Variants in IRAG1 observed in about 807,000 individuals in gnomAD.
The protein encoded by IRAG1 is inositol 1,4,5-triphosphate receptor associated 1.
A neutral mutation model predicts 106.2 loss-of-function variants in IRAG1; 62 were observed. The observed-to-expected ratio is 0.58, with a 90% CI of 0.48 to 0.72. IRAG1 has a LOEUF of 0.72. IRAG1 is among the 30% of genes least tolerant of loss of function. The pLI is 0.00. For synonymous variants in IRAG1, 462 were observed against 443.9 expected (o/e 1.04, Z -0.51); for missense variants, 1,064 against 1,140.7 (o/e 0.93, Z 0.97).
chr11:10,632,190 C>A, intron 3 of IRAG1, 129 bp from the exon 4 acceptor site: 2 of 563,428 alleles, frequency 3.5e-6, no homozygotes, highest in Non-Finnish European at 6.0e-6. Context: ...TTCTTTCTTT[C>A]TTTTTTTTTT....
intron 16 of IRAG1, chr11:10,593,879 G>A: frequency 1.7e-6 from 1 of 573,346 alleles, no homozygotes; most frequent in Non-Finnish European, 3.1e-6. Context: ...GTAACACCCT[G>A]GAGACTGTAT....
intron 20 of IRAG1, among the ~76,000 whole-genome samples, chr11:10,577,656 GAGAAGCGGAGAGCTCAAATTTTGA>G (rs1490505075): frequency 1.3e-5 from 2 of 152,202 alleles, no homozygotes; most frequent in Admixed American, 1.3e-4. Context: ...GCCATTGGCT[GAGAAGCGGAGAGCTCAAATTTTGA>G]GGTAGCAGAA....
chr11:10,603,081 G>A (rs773637626), intron 14 of IRAG1, 39 bp downstream of exon 14: 1 of 1,591,074 alleles, frequency 6.3e-7, no homozygotes, highest in South Asian at 1.1e-5. Flanking sequence ...TTACGTAGGT[G>A]GAACAGAGTT....
chr11:10,634,485 C>T (rs1856983178), intron 2 of IRAG1, among the ~76,000 whole-genome samples: 1 of 152,092 alleles, frequency 6.6e-6, no homozygotes, highest in Admixed American at 6.5e-5. Context: ...ACGTTAGATC[C>T]CCAGAACGTA....
At chr11:10,675,765 T>C (rs115985099) in intron 1 of IRAG1, among the ~76,000 whole-genome samples, 1,899 of 152,306 alleles carry the variant, frequency 0.012, 41 homozygotes, top group African/African-American at 0.043. Context: ...CCCTTCATCC[T>C]CTTATTCAGC....
chr11:10,648,967 G>A (rs745736144), intron 2 of IRAG1, among the ~76,000 whole-genome samples: 19 of 152,168 alleles, frequency 1.2e-4, no homozygotes, highest in Non-Finnish European at 2.2e-4. Flanking sequence ...GGACCCCGGG[G>A]AGCTGTAAAC....
intron 1 of IRAG1, among the ~76,000 whole-genome samples, chr11:10,671,893 T>A (rs1860261555): frequency 6.6e-6 from 1 of 152,038 alleles, no homozygotes; most frequent in Admixed American, 6.5e-5. Flanking sequence ...GAAGCAACAA[T>A]AATCAAAACA....
chr11:10,682,966 G>A (rs1331430455), intron 1 of IRAG1, among the ~76,000 whole-genome samples: 1 of 152,178 alleles, frequency 6.6e-6, no homozygotes, highest in East Asian at 1.9e-4. Flanking sequence ...TAGTCATACT[G>A]GGCCTGTGGC....
At chr11:10,576,824 C>T (rs1304314048) in intron 20 of IRAG1, among the ~76,000 whole-genome samples, 1 of 152,224 alleles carries the variant, frequency 6.6e-6, no homozygotes, top group Non-Finnish European at 1.5e-5. Context: ...CACCAGTCCA[C>T]AGCCTTGAAG....
chr11:10,586,870 T>C (rs903147891), intron 18 of IRAG1, among the ~76,000 whole-genome samples: 25 of 152,230 alleles, frequency 1.6e-4, no homozygotes, highest in African/African-American at 6.0e-4. Flanking sequence ...AGTAGGTGCC[T>C]TTAAGTGCCT....
chr11:10,580,393 A>C, intron 20 of IRAG1, 62 bp downstream of exon 20: 1 of 1,572,908 alleles, frequency 6.4e-7, no homozygotes, highest in Non-Finnish European at 8.6e-7. Flanking sequence ...TGTGCATTTA[A>C]ATTAGATGAA....
intron 1 of IRAG1, among the ~76,000 whole-genome samples, chr11:10,686,323 T>C (rs1861655682): frequency 6.6e-6 from 1 of 152,150 alleles, no homozygotes; most frequent in Non-Finnish European, 1.5e-5. Context: ...TTACAGACTT[T>C]TAGGGCACAA....
At chr11:10,679,674 C>T (rs540856817) in intron 1 of IRAG1, among the ~76,000 whole-genome samples, 22 of 152,320 alleles carry the variant, frequency 1.4e-4, no homozygotes, top group South Asian at 1.2e-3. Context: ...CTAGATGCCA[C>T]GTGATCCATC....
At chr11:10,595,161 A>C (rs1235683107) in intron 15 of IRAG1, among the ~76,000 whole-genome samples, 2 of 151,996 alleles carry the variant, frequency 1.3e-5, no homozygotes, top group Non-Finnish European at 2.9e-5. Flanking sequence ...CTGAGCTTAA[A>C]GTATCTACCC....
rs67572887 is a variant in IRAG1, at chr11:10,575,755, T to TG, written c.*576_*577insC. The TG allele has an allele frequency of 0.33, 51,804 of 155,712 alleles. 10,769 individuals carry two copies. The highest frequency in any genetic ancestry group is 0.71 in the East Asian group (3,733 of 5,278). The allele number at this position is 155,712 out of a possible 1,614,324, so 9.6% of individuals were successfully genotyped here. A position where few individuals can be genotyped will look rare whatever the true frequency, so the allele number is the denominator to read the frequency against. Reference sequence around the variant, plus strand: ...TAAATTCAGCCTATACTTTTTTTTTTTTTTCTGAGAAGCCTTTCCTACTTC... The same window carrying TG: ...TAAATTCAGCCTATACTTTTTTTTTTGTTTTCTGAGAAGCCTTTCCTACTTC... On this transcript the variant is annotated 3_prime_UTR_variant, in exon 21 of 21. Coordinates refer to ENST00000423302, the MANE Select transcript of IRAG1 (RefSeq NM_130385.4).
intron 2 of IRAG1, among the ~76,000 whole-genome samples, chr11:10,638,219 A>C (rs1421877783): frequency 1.3e-5 from 2 of 152,224 alleles, no homozygotes; most frequent in Admixed American, 6.5e-5. Context: ...CCATAATTGT[A>C]AGAATTCACA....
At chr11:10,579,466 T>C (rs2134070603) in intron 20 of IRAG1, among the ~76,000 whole-genome samples, 1 of 152,244 alleles carries the variant, frequency 6.6e-6, no homozygotes, top group East Asian at 1.9e-4. Flanking sequence ...TGGTGAAGGT[T>C]TTCCAAGGTG....
chr11:10,675,662 AC>A (rs1860595917), intron 1 of IRAG1, among the ~76,000 whole-genome samples: 2 of 152,154 alleles, frequency 1.3e-5, no homozygotes. Flanking sequence ...CATCATGAAG[AC>A]TTGTCACTCT....
intron 1 of IRAG1, among the ~76,000 whole-genome samples, chr11:10,671,573 A>G (rs1237224725): frequency 6.6e-6 from 1 of 152,058 alleles, no homozygotes; most frequent in Non-Finnish European, 1.5e-5. Flanking sequence ...TTAGCAGGGC[A>G]TGGTGGCGCG....
Sources: gnomAD v4.1 joint callset for allele counts (sites outside exome capture counted in the v4.1 genomes callset) on GRCh38, gnomAD v4.1.1 for gene constraint, MANE v1.5 for transcripts, NCBI Gene and HGNC (gene_info 2026-07-23, HGNC 2026-07-21) for gene names.